Variants in DLGAP2 observed in about 807,000 individuals in gnomAD.
The protein encoded by DLGAP2 is DLG associated protein 2, also known as disks large-associated protein 2.
DLGAP2 carries 26 observed loss-of-function variants against 100.3 expected under a neutral mutation model. The observed-to-expected ratio is 0.26, with a 90% CI of 0.19 to 0.36. The LOEUF (loss-of-function observed/expected upper bound fraction) is 0.36, where lower values mean the gene tolerates loss of function less well. Among genes scored for constraint, DLGAP2 ranks in the 10% least tolerant of loss-of-function variants. DLGAP2 has a pLI of 1.00. For missense variants in DLGAP2, 1,858 were observed against 1,453.2 expected, an observed-to-expected ratio of 1.28 and a Z score of -4.53; for synonymous variants, 886 against 630.1, an observed-to-expected ratio of 1.41 and a Z score of -6.08.
intron 3 of DLGAP2, among the ~76,000 whole-genome samples, chr8:1,472,097 C>T (rs534827547): frequency 1.9e-4 from 29 of 152,354 alleles, no homozygotes; most frequent in Non-Finnish European, 3.2e-4. Flanking sequence ...GACAGAGGGC[C>T]TGAGGCGTAA....
At chr8:1,065,446 C>G (rs1439740871) in intron 2 of DLGAP2, among the ~76,000 whole-genome samples, 2 of 152,204 alleles carry the variant, frequency 1.3e-5, no homozygotes, top group African/African-American at 2.4e-5. Flanking sequence ...ACTGAAAGCA[C>G]ATATTCATGC....
intron 1 of DLGAP2, among the ~76,000 whole-genome samples, chr8:880,669 G>A (rs542020409): frequency 3.2e-4 from 49 of 151,210 alleles, no homozygotes; most frequent in African/African-American, 1.1e-3. Context: ...TTTATAGGTG[G>A]GTCGGGGTGA....
Position 1,363,005 on chromosome 8 carries a change from C to A in DLGAP2, c.106+104122C>A, listed in dbSNP as rs1281065220. 4.6e-5 allele frequency among the ~76,000 whole-genome samples: 7 copies of A among 152,304 alleles called. No individual in the cohort carries two copies. In the East Asian group the frequency reaches 1.4e-3, roughly 29 times the overall value. ...CCATGGAGGAAGCCACATCTCAGCC[C>A]CACCGCCGGACACAGGCCTGAGCCA... On this transcript the variant is annotated intron_variant, in intron 3 of 14. Transcript: ENST00000637795.
chr8:1,693,123 A>G (rs1642718822), intron 13 of DLGAP2, among the ~76,000 whole-genome samples: 1 of 147,278 alleles, frequency 6.8e-6, no homozygotes, highest in African/African-American at 2.5e-5. Flanking sequence ...TTATATATAC[A>G]TGCTAAACAT....
intron 2 of DLGAP2, among the ~76,000 whole-genome samples, chr8:1,104,166 G>T (rs1303570387): frequency 2.0e-5 from 3 of 152,216 alleles, no homozygotes. Context: ...GCTGGTGATG[G>T]ATGATTCAGG....
At chr8:1,451,442 C>A (rs73672706) in intron 3 of DLGAP2, among the ~76,000 whole-genome samples, 3,766 of 152,162 alleles carry the variant, frequency 0.025, 127 homozygotes, top group African/African-American at 0.085. Context: ...ATCAGCCCAG[C>A]ACGCTCTGAA....
intron 3 of DLGAP2, among the ~76,000 whole-genome samples, chr8:1,407,936 G>A (rs1265171957): frequency 5.3e-5 from 8 of 152,214 alleles, no homozygotes; most frequent in Admixed American, 5.2e-4. Flanking sequence ...TCCACCTCAG[G>A]GCTTCCAGCA....
intron 4 of DLGAP2, among the ~76,000 whole-genome samples, chr8:1,518,676 G>C (rs1302197755): frequency 1.3e-5 from 2 of 152,112 alleles, no homozygotes; most frequent in Non-Finnish European, 2.9e-5. Context: ...CATGGACAAT[G>C]GTTCTTGAGT....
chr8:1,374,280 CTG>C (rs1802336980), intron 3 of DLGAP2, among the ~76,000 whole-genome samples: 1 of 152,132 alleles, frequency 6.6e-6, no homozygotes, highest in South Asian at 2.1e-4. Context: ...TTACAGAAGG[CTG>C]TGTGGTGGAG....
intron 2 of DLGAP2, among the ~76,000 whole-genome samples, chr8:1,201,005 G>T (rs1797860766): frequency 6.6e-6 from 1 of 152,176 alleles, no homozygotes; most frequent in Admixed American, 6.5e-5. Flanking sequence ...TGTCTCCCCG[G>T]ACCCCACCGT....
chr8:1,175,981 C>G (rs1434963283), intron 2 of DLGAP2, among the ~76,000 whole-genome samples: 1 of 152,172 alleles, frequency 6.6e-6, no homozygotes, highest in African/African-American at 2.4e-5. Context: ...GGCACAGGGC[C>G]TATGTCATAC....
At chr8:1,141,287 T>G (rs924955986) in intron 2 of DLGAP2, among the ~76,000 whole-genome samples, 20 of 152,338 alleles carry the variant, frequency 1.3e-4, no homozygotes, top group African/African-American at 4.6e-4. Context: ...ACTTTTTAAA[T>G]TAACTTATTT....
chr8:1,392,727 G>T (rs1307603360), intron 3 of DLGAP2, among the ~76,000 whole-genome samples: 3 of 152,208 alleles, frequency 2.0e-5, no homozygotes, highest in Non-Finnish European at 4.4e-5. Flanking sequence ...GGAAGTGCCA[G>T]ACCTTTGCCA....
At chr8:1,329,367 C>T (rs1801096994) in intron 3 of DLGAP2, among the ~76,000 whole-genome samples, 1 of 152,186 alleles carries the variant, frequency 6.6e-6, no homozygotes, top group South Asian at 2.1e-4. Context: ...AGAATTCATA[C>T]TCCATTTCAA....
intron 1 of DLGAP2, chr8:738,419 C>G (rs1585808256): frequency 1.3e-5 from 2 of 151,950 alleles, no homozygotes; most frequent in African/African-American, 4.8e-5. Context: ...GGAGGGTGCG[C>G]GCAGCGAGGG....
intron 3 of DLGAP2, among the ~76,000 whole-genome samples, chr8:1,362,613 C>T (rs1460930900): frequency 1.3e-5 from 2 of 152,306 alleles, no homozygotes; most frequent in East Asian, 3.9e-4. Context: ...GGCCATCTCT[C>T]CCCTTAACAC....
intron 4 of DLGAP2, among the ~76,000 whole-genome samples, chr8:1,535,547 C>G (rs1056134952): frequency 6.6e-6 from 1 of 152,214 alleles, no homozygotes; most frequent in Non-Finnish European, 1.5e-5. Context: ...GCATGCCTGG[C>G]ACACACGTTG....
intron 2 of DLGAP2, among the ~76,000 whole-genome samples, chr8:945,572 G>C (rs551935359): frequency 1.3e-5 from 2 of 152,056 alleles, no homozygotes; most frequent in Non-Finnish European, 2.9e-5. Context: ...TACTCAGCCC[G>C]GAGAACAGCT....
rs553922141 is a variant in DLGAP2 at position 1,139,114 on chromosome 8, G to A, written c.74-119737G>A. 2.6e-5 allele frequency among the ~76,000 whole-genome samples: 4 copies of A among 152,346 alleles called. No individual in the cohort carries two copies. In the South Asian group the frequency reaches 8.3e-4, roughly 32 times the overall value. ...TTTCCTCGGGTGATGACTGTTTCCT[G>A]AGCGCCTGCTGCCGGCCGCTGCGGC... On this transcript the variant is annotated intron_variant, in intron 2 of 14. Coordinates refer to ENST00000637795, the MANE Select transcript of DLGAP2 (RefSeq NM_001346810.2).
Sources: gnomAD v4.1 joint callset for allele counts (sites outside exome capture counted in the v4.1 genomes callset) on GRCh38, gnomAD v4.1.1 for gene constraint, MANE v1.5 for transcripts, NCBI Gene and HGNC (gene_info 2026-07-23, HGNC 2026-07-21) for gene names.